The following NBEA variants were observed in gnomAD, a reference collection of about 807,000 sequenced individuals.
NBEA encodes the protein lysosomal-trafficking regulator 2.
NBEA carries 44 observed loss-of-function variants against 343.4 expected under a neutral mutation model. The ratio of observed to expected loss-of-function variants is 0.13; its 90% CI spans 0.10 to 0.16. The LOEUF (loss-of-function observed/expected upper bound fraction) is 0.16, where lower values mean the gene tolerates loss of function less well. Among genes scored for constraint, NBEA ranks in the 10% least tolerant of loss-of-function variants. The pLI is 1.00. For missense variants in NBEA, 2,555 were observed against 3,631.3 expected, an observed-to-expected ratio of 0.70 and a Z score of 7.62; for synonymous variants, 1,175 against 1,238.7, an observed-to-expected ratio of 0.95 and a Z score of 1.08.
chr13:35,221,321 C>T (rs753623660), intron 33 of NBEA, among the ~76,000 whole-genome samples: 10 of 148,922 alleles, frequency 6.7e-5, no homozygotes, highest in South Asian at 2.1e-4. Flanking sequence ...TCCAGCCTGG[C>T]GACAGAGTGA....
intron 38 of NBEA, among the ~76,000 whole-genome samples, chr13:35,418,225 AT>A (rs2152921781): frequency 6.6e-6 from 1 of 152,228 alleles, no homozygotes; most frequent in Admixed American, 6.5e-5. Context: ...TAATTGGAAC[AT>A]TTAGCCCATT....
intron 41 of NBEA, among the ~76,000 whole-genome samples, chr13:35,526,276 T>C (rs2077970935): frequency 6.6e-6 from 1 of 152,238 alleles, no homozygotes; most frequent in African/African-American, 2.4e-5. Context: ...CAATGTCATG[T>C]ACTCAACTGC....
At chr13:35,074,837 G>A (rs888738469) in intron 10 of NBEA, among the ~76,000 whole-genome samples, 9 of 152,008 alleles carry the variant, frequency 5.9e-5, no homozygotes, top group African/African-American at 1.2e-4. Flanking sequence ...TGGCTAAAAC[G>A]TACTAATTAT....
intron 41 of NBEA, among the ~76,000 whole-genome samples, chr13:35,524,646 AC>A (rs369482611): frequency 3.9e-5 from 6 of 152,248 alleles, no homozygotes; most frequent in African/African-American, 1.2e-4. Flanking sequence ...AAGGAAAAAA[AC>A]AAATGCTGAA....
chr13:35,514,734 A>G (rs2077419090), intron 41 of NBEA, among the ~76,000 whole-genome samples: 1 of 152,184 alleles, frequency 6.6e-6, no homozygotes, highest in Admixed American at 6.5e-5. Context: ...ATAAATAATT[A>G]CCGGTTGATC....
intron 33 of NBEA, among the ~76,000 whole-genome samples, chr13:35,223,312 C>T (rs974647871): frequency 1.6e-4 from 24 of 152,044 alleles, no homozygotes; most frequent in Admixed American, 1.0e-3. Context: ...TAAAAGTATT[C>T]GTAGTACAAA....
chr13:35,512,826 G>A (rs909139996), intron 41 of NBEA, among the ~76,000 whole-genome samples: 3 of 152,142 alleles, frequency 2.0e-5, no homozygotes, highest in African/African-American at 7.2e-5. Context: ...GGTACCTTGC[G>A]GTCCTCATAG....
intron 41 of NBEA, among the ~76,000 whole-genome samples, chr13:35,543,243 C>T (rs1318176319): frequency 1.3e-5 from 2 of 152,116 alleles, no homozygotes; most frequent in East Asian, 3.8e-4. Context: ...ATGAATATTA[C>T]TTATTGCTAC....
rs1337743330 is a variant in NBEA, at chr13:35,142,393, G to A, written c.2445+16G>A. On this transcript the variant is annotated intron_variant, in intron 18 of 58. Coordinates refer to ENST00000379939, the MANE Select transcript of NBEA (RefSeq NM_001385012.1). ...ACTTTATGAGGTAAAAATAAAAAAT[G>A]TGTGATGAAAGTTTTAAGTGTATAC... 1.3e-6 allele frequency: 2 copies of A among 1,587,456 alleles called. No individual in the cohort carries two copies. Among genetic ancestry groups the A allele is most frequent in the Non-Finnish European group, 1.7e-6 (2 of 1,157,278 alleles).
intron 44 of NBEA, among the ~76,000 whole-genome samples, chr13:35,555,493 A>T (rs1557217): frequency 0.2 from 30,461 of 152,110 alleles, 4,248 homozygotes; most frequent in African/African-American, 0.38. Flanking sequence ...GTCACCTGGA[A>T]TATGGCATGA....
At chr13:35,340,485 T>A (rs1025280229) in intron 36 of NBEA, among the ~76,000 whole-genome samples, 1 of 152,068 alleles carries the variant, frequency 6.6e-6, no homozygotes, top group Non-Finnish European at 1.5e-5. Flanking sequence ...ATTATTAATA[T>A]TTCTAAATAG....
chr13:35,500,575 T>C (rs9544462), intron 41 of NBEA, among the ~76,000 whole-genome samples: 18,216 of 152,042 alleles, frequency 0.12, 1,390 homozygotes, highest in East Asian at 0.43. Context: ...CCTACTCTTT[T>C]CTCTTCTGGT....
chr13:35,253,551 C>T (rs1018759817), intron 34 of NBEA, among the ~76,000 whole-genome samples: 1 of 152,136 alleles, frequency 6.6e-6, no homozygotes, highest in African/African-American at 2.4e-5. Flanking sequence ...TCTGAGGATG[C>T]CTGTATTTTT....
chr13:34,958,897 A>G (rs988233815), intron 1 of NBEA, among the ~76,000 whole-genome samples: 36 of 152,190 alleles, frequency 2.4e-4, no homozygotes, highest in African/African-American at 8.0e-4. Flanking sequence ...ATCACCATGA[A>G]TATGGATTTT....
intron 34 of NBEA, among the ~76,000 whole-genome samples, chr13:35,249,150 A>C (rs9573449): frequency 7.1e-6 from 1 of 140,454 alleles, no homozygotes; most frequent in Non-Finnish European, 1.6e-5. Context: ...ACTCCATCTT[A>C]CAAAAAAAAA....
intron 1 of NBEA, among the ~76,000 whole-genome samples, chr13:34,952,179 T>G (rs551494661): frequency 2.0e-5 from 3 of 152,278 alleles, no homozygotes; most frequent in Non-Finnish European, 2.9e-5. Context: ...ATGTAGCTAG[T>G]ACTTAGAAAT....
chr13:35,223,892 T>C (rs2074510212), intron 33 of NBEA, among the ~76,000 whole-genome samples: 1 of 152,116 alleles, frequency 6.6e-6, no homozygotes, highest in African/African-American at 2.4e-5. Context: ...CTGCATTTCT[T>C]ATTGGAGACT....
intron 8 of NBEA, 71 bp from the exon 9 acceptor site, chr13:35,069,837 C>A: frequency 1.8e-6 from 2 of 1,094,430 alleles, no homozygotes; most frequent in Non-Finnish European, 2.6e-6. Context: ...GTAAATGTTT[C>A]TCTGCTTTAA....
chr13:35,311,679 C>T (rs1386789760), intron 36 of NBEA, among the ~76,000 whole-genome samples: 1 of 152,080 alleles, frequency 6.6e-6, no homozygotes, highest in Non-Finnish European at 1.5e-5. Flanking sequence ...CATGGTGAAA[C>T]CCCATCTCTA....
Sources: gnomAD v4.1 joint callset for allele counts (sites outside exome capture counted in the v4.1 genomes callset) on GRCh38, gnomAD v4.1.1 for gene constraint, MANE v1.5 for transcripts, NCBI Gene and HGNC (gene_info 2026-07-23, HGNC 2026-07-21) for gene names.